Variants in CENPN observed in about 807,000 individuals in gnomAD.
CENPN encodes the protein centromere protein N.
Under a neutral mutation model 48.6 loss-of-function variants are expected in CENPN, and 36 were observed. That is an observed-to-expected ratio of 0.74 (90% CI 0.57 to 0.98). The LOEUF (loss-of-function observed/expected upper bound fraction) is 0.98, where lower values mean the gene tolerates loss of function less well. CENPN is among the 50% of genes least tolerant of loss of function. The pLI, the probability that CENPN is intolerant of heterozygous loss-of-function variation, is 0.00. For synonymous variants in CENPN, 166 were observed against 135.2 expected (o/e 1.23, Z -1.58); for missense variants, 439 against 399.2 (o/e 1.10, Z -0.85).
chr16:81,007,600 C>G lies in CENPN; in HGVS notation c.-11+323C>G, dbSNP rs531175288. On this transcript the variant is annotated intron_variant, in intron 1 of 10. Transcript: ENST00000305850. ...ACGATCCTGGGGTTGCTTCCTTTCC[C>G]AGAGTTGGGGTTTTGCTTTTCTGTC... 1.4e-3 allele frequency among the ~76,000 whole-genome samples: 209 copies of G among 152,296 alleles called. 1 individual carries two copies. Among genetic ancestry groups the G allele is most frequent in the African/African-American group, 4.2e-3 (175 of 41,552 alleles).
At chr16:81,032,701 G>C (rs1970822455), downstream of CENPN, 3 of 1,598,964 alleles carry the variant, frequency 1.9e-6, no homozygotes, top group Admixed American at 5.3e-5. Flanking sequence ...TTAAAATCAT[G>C]ATGTCACAAC....
chr16:81,026,705 G>C (rs2151711267), intron 9 of CENPN, 67 bp downstream of exon 9: 1 of 714,086 alleles, frequency 1.4e-6, no homozygotes, highest in Non-Finnish European at 2.3e-6. Context: ...AAAACCTTAA[G>C]TGGAAAACAG....
chr16:81,013,754 G>A (rs949035591), intron 2 of CENPN, among the ~76,000 whole-genome samples: 2 of 152,042 alleles, frequency 1.3e-5, no homozygotes, highest in African/African-American at 4.8e-5. Context: ...AAATCTGGGA[G>A]GCAGTGCTGG....
intron 3 of CENPN, 114 bp downstream of exon 3, chr16:81,014,295 C>T (rs1468700903): frequency 2.3e-5 from 19 of 823,962 alleles, no homozygotes; most frequent in Admixed American, 9.6e-5. Context: ...AGTGCAGTAA[C>T]GCCATCTCAG....
chr16:81,010,577 C>T (rs1454886167), intron 1 of CENPN, among the ~76,000 whole-genome samples: 2 of 152,204 alleles, frequency 1.3e-5, no homozygotes, highest in East Asian at 3.8e-4. Context: ...CAATCCACTG[C>T]ACCACTAGCT....
chr16:81,030,343 C>T lies in CENPN; in HGVS notation c.*1692C>T. 2 of 985,368 alleles carry T rather than the reference C, an allele frequency of 2.0e-6. No homozygotes were observed. The highest frequency in any genetic ancestry group is 2.4e-6 in the Non-Finnish European group (2 of 829,872). 61.0% of individuals were successfully genotyped at this position (985,368 alleles called of 1,614,324 possible). A position where few individuals can be genotyped will look rare whatever the true frequency, so the allele number is the denominator to read the frequency against. ...GCATGGTGGCTCACACTTGTAATCC[C>T]AGCACTTCAGGAGGTTTCTCCTAGT... On this transcript the variant is annotated 3_prime_UTR_variant, in exon 11 of 11. Transcript: ENST00000305850.
Position 81,028,918 on chromosome 16 carries a change from G to T in CENPN, c.*267G>T. Reference sequence around the variant, plus strand: ...TATGGCCCCACACTTGACCTTGAGTGCCTGAATGCTCTGAAATCAAGCATA... The same window carrying T: ...TATGGCCCCACACTTGACCTTGAGTTCCTGAATGCTCTGAAATCAAGCATA... On this transcript the variant is annotated 3_prime_UTR_variant, in exon 11 of 11. Transcript: ENST00000305850. The T allele has an allele frequency of 8.9e-7, 1 of 1,118,016 alleles. No homozygotes were observed. The highest frequency in any genetic ancestry group is 1.1e-6 in the Non-Finnish European group (1 of 916,086). 69.3% of individuals were successfully genotyped at this position (1,118,016 alleles called of 1,614,324 possible). A position where few individuals can be genotyped will look rare whatever the true frequency, so the allele number is the denominator to read the frequency against.
Position 81,028,787 on chromosome 16 carries a change from C to T in CENPN, c.*136C>T. On this transcript the variant is annotated 3_prime_UTR_variant, in exon 11 of 11. Coordinates refer to ENST00000305850, the MANE Select transcript of CENPN (RefSeq NM_001100624.3). ...TTGGTATTGAATTTTTAGAAATGCT[C>T]ACATAATTGTTGGGACTGATTCATT... 1 of 1,435,564 alleles carries T rather than the reference C, an allele frequency of 7.0e-7. No individual in the cohort carries two copies. The highest frequency in any genetic ancestry group is 9.1e-7 in the Non-Finnish European group (1 of 1,098,188). The allele number at this position is 1,435,564 out of a possible 1,614,324, so 88.9% of individuals were successfully genotyped here.
chr16:81,032,152 A>G (rs1286726450), downstream of CENPN, among the ~76,000 whole-genome samples: 1 of 152,192 alleles, frequency 6.6e-6, no homozygotes, highest in African/African-American at 2.4e-5. Context: ...TGTCTGACTA[A>G]GAAAGCTTCT....
chr16:81,015,980 G>C (rs1377551885), intron 3 of CENPN, among the ~76,000 whole-genome samples: 4 of 151,568 alleles, frequency 2.6e-5, no homozygotes, highest in African/African-American at 9.7e-5. Context: ...ACTCCAGCCT[G>C]GCGACACCGT....
At chr16:81,020,362 G>T in intron 6 of CENPN, 86 bp downstream of exon 6, 2 of 1,316,434 alleles carry the variant, frequency 1.5e-6, no homozygotes, top group Non-Finnish European at 1.0e-6. Context: ...ATAAGTATTT[G>T]ATAGAGAATA....
Position 81,020,288 on chromosome 16 carries a change from A to G in CENPN, c.531+12A>G. ...CGCTTCTGGGTCAGGTATGGAAAAA[A>G]TTATTACAAGCTATAATATTTTATT... is the stretch of plus-strand genomic sequence containing the variant. On this transcript the variant is annotated intron_variant, in intron 6 of 10. Transcript: ENST00000305850. 1.2e-6 allele frequency: 2 copies of G among 1,605,154 alleles called. No homozygotes were observed. Among genetic ancestry groups the G allele is most frequent in the Non-Finnish European group, 1.7e-6 (2 of 1,177,190 alleles).
downstream of CENPN, among the ~76,000 whole-genome samples, chr16:81,032,286 C>T (rs1459409541): frequency 2.0e-5 from 3 of 152,198 alleles, no homozygotes; most frequent in African/African-American, 4.8e-5. Context: ...CCCTCAGGCT[C>T]ATTCAGATTC....
chr16:81,019,952 C>A, intron 5 of CENPN, 148 bp from the exon 6 acceptor site: 5 of 496,246 alleles, frequency 1.0e-5, no homozygotes, highest in Admixed American at 3.8e-5. Flanking sequence ...TCTCAAAATA[C>A]TCATGAAAAG....
At chr16:81,023,090 G>T in intron 7 of CENPN, 1 of 396,168 alleles carries the variant, frequency 2.5e-6, no homozygotes, top group Non-Finnish European at 4.6e-6. Context: ...TACAGGCACT[G>T]GAATTAAAGG....
chr16:81,013,012 A>G (rs970106280), intron 2 of CENPN, among the ~76,000 whole-genome samples: 1 of 152,248 alleles, frequency 6.6e-6, no homozygotes, highest in Non-Finnish European at 1.5e-5. Flanking sequence ...ATTTAGTTAT[A>G]TAAATGAAGA....
chr16:81,025,478 G>T (rs115148833), intron 8 of CENPN, among the ~76,000 whole-genome samples: 1 of 152,150 alleles, frequency 6.6e-6, no homozygotes, highest in South Asian at 2.1e-4. Flanking sequence ...TGATTTTCCA[G>T]TGTCATAGGA....
intron 6 of CENPN, among the ~76,000 whole-genome samples, chr16:81,021,812 T>G (rs988577443): frequency 6.6e-6 from 1 of 151,680 alleles, no homozygotes. Flanking sequence ...TGGGGTGCAG[T>G]GGGGCGATCT....
At chr16:81,026,854 C>G (rs1970521530) in intron 9 of CENPN, among the ~76,000 whole-genome samples, 1 of 152,110 alleles carries the variant, frequency 6.6e-6, no homozygotes, top group South Asian at 2.1e-4. Context: ...CTGGGCTGGG[C>G]GTGATGGCTC....
Sources: gnomAD v4.1 joint callset for allele counts (sites outside exome capture counted in the v4.1 genomes callset) on GRCh38, gnomAD v4.1.1 for gene constraint, MANE v1.5 for transcripts, NCBI Gene and HGNC (gene_info 2026-07-23, HGNC 2026-07-21) for gene names.